Variants in CYP3A4 observed in about 807,000 individuals in gnomAD.
CYP3A4 encodes cytochrome P450 3A4.
In CYP3A4, 41 loss-of-function variants were observed where a neutral mutation model predicts 54.9. The observed-to-expected ratio is 0.75, with a 90% CI of 0.58 to 0.97. The LOEUF (loss-of-function observed/expected upper bound fraction) is 0.97. Among genes scored for constraint, CYP3A4 ranks in the 50% least tolerant of loss-of-function variants. The probability of loss-of-function intolerance (pLI) is 0.00; values close to 1 mark genes in which losing one functional copy is unlikely to be tolerated. For missense variants in CYP3A4, 510 were observed against 597.3 expected (o/e 0.85, Z 1.52); for synonymous variants, 179 against 205.2 (o/e 0.87, Z 1.09).
In CYP3A4 at chr7:99,757,946, C is replaced by T; in HGVS notation, c.*187G>A. 2 of 562,792 alleles carry T rather than the reference C, an allele frequency of 3.6e-6. No homozygotes were observed. The highest frequency in any genetic ancestry group is 6.1e-5 in the East Asian group (2 of 32,568). The allele number at this position is 562,792 out of a possible 1,614,324, so 34.9% of individuals were successfully genotyped here. A position where few individuals can be genotyped will look rare whatever the true frequency, so the allele number is the denominator to read the frequency against. ...CTGATTTGGTCACCTCCTTTATATT[C>T]CCAAGTATAACACTCTACACAGACA... is the stretch of plus-strand genomic sequence containing the variant. On this transcript the variant is annotated 3_prime_UTR_variant, in exon 13 of 13. Transcript: ENST00000651514.
intron 4 of CYP3A4, among the ~76,000 whole-genome samples, chr7:99,771,349 CATAAT>C (rs912981592): frequency 2.0e-5 from 3 of 152,152 alleles, no homozygotes; most frequent in African/African-American, 7.2e-5. Context: ...ACAAGAAAAA[CATAAT>C]ATCATTTACA....
At chr7:99,761,028 C>T (rs755797375) in intron 11 of CYP3A4, 47 bp from the exon 12 acceptor site, 3 of 1,595,616 alleles carry the variant, frequency 1.9e-6, no homozygotes, top group African/African-American at 1.3e-5. Flanking sequence ...ACATAATACC[C>T]CTAAGAGTTA....
At chr7:99,773,373 C>T (rs1407532846) in intron 3 of CYP3A4, among the ~76,000 whole-genome samples, 1 of 152,130 alleles carries the variant, frequency 6.6e-6, no homozygotes, top group Non-Finnish European at 1.5e-5. Flanking sequence ...AAATCTCCAC[C>T]CCAAATTAAC....
At chr7:99,780,897 C>T (rs999976927) in intron 1 of CYP3A4, among the ~76,000 whole-genome samples, 3 of 152,222 alleles carry the variant, frequency 2.0e-5, no homozygotes, top group South Asian at 2.1e-4. Context: ...CATTCCTCCT[C>T]TTGTGGAATC....
Position 99,774,577 on chromosome 7 carries a change from C to T in CYP3A4, c.219-1888G>A, listed in dbSNP as rs1462082924. On this transcript the variant is annotated intron_variant, in intron 3 of 12. Coordinates refer to ENST00000651514, the MANE Select transcript of CYP3A4 (RefSeq NM_017460.6). ...AATGTAATCCATCACATAAACAGAA[C>T]CAATGACAAAAACCACATAATTACC... 5.9e-5 allele frequency among the ~76,000 whole-genome samples: 9 copies of T among 152,114 alleles called. No homozygotes were observed. The East Asian group carries it at 1.5e-3, about 26-fold the overall frequency.
intron 9 of CYP3A4, among the ~76,000 whole-genome samples, chr7:99,765,675 T>A (rs745306096): frequency 9.2e-5 from 14 of 152,204 alleles, no homozygotes; most frequent in Non-Finnish European, 1.9e-4. Flanking sequence ...TGGTGGCTTG[T>A]AATTGACCAT....
At chr7:99,768,060 T>G (rs1422037754) in intron 7 of CYP3A4, among the ~76,000 whole-genome samples, 1 of 152,214 alleles carries the variant, frequency 6.6e-6, no homozygotes, top group Non-Finnish European at 1.5e-5. Flanking sequence ...ATTAATATCA[T>G]TTCTATGAAG....
rs1353928582 is a variant in CYP3A4 at position 99,784,176 on chromosome 7, C to A, written c.-95G>T. ...ATGTGCATGGAGCTTTCCTGCCCTG[C>A]ACAGCAGTGATTCAGTGAGGCTGTT... On this transcript the variant is annotated 5_prime_UTR_variant, in exon 1 of 13. Transcript: ENST00000651514. 2.5e-6 allele frequency: 3 copies of A among 1,189,108 alleles called. No homozygotes were observed. The highest frequency in any genetic ancestry group is 3.7e-6 in the Non-Finnish European group (3 of 803,508). 73.7% of individuals were successfully genotyped at this position (1,189,108 alleles called of 1,614,324 possible).
At chr7:99,768,593 A>G (rs1181455908) in intron 6 of CYP3A4, 91 bp from the exon 7 acceptor site, 2 of 1,608,278 alleles carry the variant, frequency 1.2e-6, no homozygotes, top group African/African-American at 2.7e-5. Context: ...TGTCCAGTCA[A>G]GACAGACAAA....
chr7:99,758,535 C>T (rs1815239876), intron 12 of CYP3A4, among the ~76,000 whole-genome samples: 1 of 152,116 alleles, frequency 6.6e-6, no homozygotes, highest in East Asian at 1.9e-4. Context: ...CTATTCTGTG[C>T]CAGGCCTGAG....
At chr7:99,765,006 C>T (rs1160970564) in intron 9 of CYP3A4, among the ~76,000 whole-genome samples, 1 of 152,148 alleles carries the variant, frequency 6.6e-6, no homozygotes, top group African/African-American at 2.4e-5. Flanking sequence ...ATGTAATTCA[C>T]AACCAAAACC....
chr7:99,763,072 C>G lies in CYP3A4; in HGVS notation c.1026+783G>C, dbSNP rs570573801. Among the ~76,000 whole-genome samples the G allele has an allele frequency of 7.2e-5, 11 of 152,318 alleles. No individual in the cohort carries two copies. In the South Asian group the frequency reaches 2.3e-3, roughly 32 times the overall value. ...CCAGATATCCTGGTTCCTAGCTTGG[C>G]TTCTTCACCAGTTACTGCCTGACTG... On this transcript the variant is annotated intron_variant, in intron 10 of 12. Coordinates refer to ENST00000651514, the MANE Select transcript of CYP3A4 (RefSeq NM_017460.6).
In CYP3A4 at chr7:99,757,671, G is replaced by T; in HGVS notation, c.*462C>A. On this transcript the variant is annotated 3_prime_UTR_variant, in exon 13 of 13. Coordinates refer to ENST00000651514, the MANE Select transcript of CYP3A4 (RefSeq NM_017460.6). ...CTCCTTAATGTGCAGGAAAGCATCTGATAATACTTTTGTAAAGTGGTCTTT... is the reference window on the plus strand; with the variant it reads ...CTCCTTAATGTGCAGGAAAGCATCTTATAATACTTTTGTAAAGTGGTCTTT... The T allele has an allele frequency of 6.1e-6, 1 of 163,670 alleles. No individual in the cohort carries two copies. Among genetic ancestry groups the T allele is most frequent in the South Asian group, 1.7e-4 (1 of 6,056 alleles). 10.1% of individuals were successfully genotyped at this position (163,670 alleles called of 1,614,324 possible).
chr7:99,770,898 A>AT (rs919832972), intron 4 of CYP3A4, among the ~76,000 whole-genome samples: 40 of 152,056 alleles, frequency 2.6e-4, no homozygotes, highest in Admixed American at 1.0e-3. Context: ...TTCCATAGCC[A>AT]TTTTTTTTAT....
chr7:99,775,839 A>G (rs1439208671), intron 3 of CYP3A4, among the ~76,000 whole-genome samples: 1 of 152,232 alleles, frequency 6.6e-6, no homozygotes, highest in African/African-American at 2.4e-5. Flanking sequence ...AAAATTGACA[A>G]ATGGGATATG....
chr7:99,767,070 T>C, intron 8 of CYP3A4, 61 bp downstream of exon 8: 1 of 1,494,194 alleles, frequency 6.7e-7, no homozygotes, highest in Non-Finnish European at 9.2e-7. Flanking sequence ...TGATCATATG[T>C]ATATTATCTA....
intron 3 of CYP3A4, among the ~76,000 whole-genome samples, chr7:99,773,710 A>T (rs1745002246): frequency 6.6e-6 from 1 of 152,220 alleles, no homozygotes; most frequent in Non-Finnish European, 1.5e-5. Context: ...TGTAGAGGGA[A>T]ATTTATAGCA....
chr7:99,765,165 T>G (rs1475191399), intron 9 of CYP3A4, among the ~76,000 whole-genome samples: 1 of 152,168 alleles, frequency 6.6e-6, no homozygotes, highest in Non-Finnish European at 1.5e-5. Flanking sequence ...AACTATAATC[T>G]CAAAGTTTAG....
intron 9 of CYP3A4, 91 bp downstream of exon 9, chr7:99,766,286 C>A (rs1815474387): frequency 1.4e-6 from 2 of 1,474,260 alleles, no homozygotes; most frequent in Non-Finnish European, 9.4e-7. Context: ...GGCAGAAATT[C>A]TCATCATCCT....
Sources: gnomAD v4.1 joint callset for allele counts (sites outside exome capture counted in the v4.1 genomes callset) on GRCh38, gnomAD v4.1.1 for gene constraint, MANE v1.5 for transcripts, NCBI Gene and HGNC (gene_info 2026-07-23, HGNC 2026-07-21) for gene names.